TSC2: variants seen among roughly 807,000 people sequenced by gnomAD.
TSC2 encodes the protein tuberin.
A neutral mutation model predicts 202.2 loss-of-function variants in TSC2; 29 were observed. The ratio of observed to expected loss-of-function variants is 0.14; its 90% CI spans 0.11 to 0.20. The LOEUF (loss-of-function observed/expected upper bound fraction) is 0.20, where lower values mean the gene tolerates loss of function less well. TSC2 is among the 10% of genes least tolerant of loss of function. The pLI, the probability that TSC2 is intolerant of heterozygous loss-of-function variation, is 1.00. For missense variants in TSC2, 2,429 were observed against 2,420.0 expected (o/e 1.00, Z -0.08); for synonymous variants, 1,349 against 1,044.0 (o/e 1.29, Z -5.63).
intron 25 of TSC2, chr16:2,077,273 G>A: frequency 2.6e-6 from 1 of 388,596 alleles, no homozygotes; most frequent in Non-Finnish European, 4.9e-6. Flanking sequence ...GGGTGGGATT[G>A]CCTGGCCAGC....
At chr16:2,076,247 C>A in intron 24 of TSC2, 77 bp downstream of exon 24, 1 of 1,597,884 alleles carries the variant, frequency 6.3e-7, no homozygotes, top group Non-Finnish European at 8.5e-7. Context: ...CATGGTCGGG[C>A]AGAGTGACAG....
chr16:2,055,600 A>C, intron 6 of TSC2, 81 bp downstream of exon 6: 1 of 1,372,494 alleles, frequency 7.3e-7, no homozygotes, highest in Non-Finnish European at 1.0e-6. Context: ...CCACCAAAAA[A>C]ATAGAGGTTG....
At chr16:2,058,698 C>G in intron 9 of TSC2, 49 bp from the exon 10 acceptor site, 2 of 1,553,784 alleles carry the variant, frequency 1.3e-6, no homozygotes, top group Non-Finnish European at 1.7e-6. Context: ...ATGGCGGACC[C>G]TGGGACAGGG....
rs1485665373 is a variant in TSC2 at position 2,089,443 on chromosome 16, C to T, written c.*833C>T. 1.2e-5 allele frequency: 6 copies of T among 512,468 alleles called. No individual in the cohort carries two copies. In the Admixed American group the frequency reaches 1.4e-4, roughly 12 times the overall value. 31.7% of individuals were successfully genotyped at this position (512,468 alleles called of 1,614,324 possible). ...AGGGGGTGGGGCCGGGCACAGCCCG[C>T]TGTACCTGAGGACTCGGGGAAATAA... On this transcript the variant is annotated 3_prime_UTR_variant, in exon 42 of 42. Coordinates refer to ENST00000219476, the MANE Select transcript of TSC2 (RefSeq NM_000548.5).
intron 31 of TSC2, 88 bp from the exon 32 acceptor site, chr16:2,082,346 CCT>C: frequency 4.0e-6 from 6 of 1,483,476 alleles, no homozygotes; most frequent in Non-Finnish European, 5.6e-6. Flanking sequence ...TGCCCTCTCT[CCT>C]CTGCAGGCAC....
rs142285430 is a variant in TSC2 at position 2,088,881 on chromosome 16, G to GCGCGCACACACACACA, written c.*272_*273insGCGCACACACACACAC. ...ACAGCACACTCGCGCGTGCGCGCGC[G>GCGCGCACACACACACA]CACACACACACACACACAGTCACCT... On this transcript the variant is annotated 3_prime_UTR_variant, in exon 42 of 42. Transcript: ENST00000219476. 158 of 421,468 alleles carry GCGCGCACACACACACA rather than the reference G, an allele frequency of 3.7e-4. No individual in the cohort carries two copies. The highest frequency in any genetic ancestry group is 3.3e-3 in the African/African-American group (146 of 44,674). The allele number at this position is 421,468 out of a possible 1,614,324, so 26.1% of individuals were successfully genotyped here.
chr16:2,087,360 C>T (rs1278751958), intron 38 of TSC2, among the ~76,000 whole-genome samples: 3 of 152,116 alleles, frequency 2.0e-5, no homozygotes, highest in Non-Finnish European at 4.4e-5. Flanking sequence ...AGGCTGGAGG[C>T]CTCACTCCAA....
rs2151354707 is a variant in TSC2 at position 2,074,346 on chromosome 16, A to G, written c.2502A>G (p.Ser834=). ...PVLVVKLTHI[S]ATASMAVPLL... ...TGGTGGTGAAGCTCACGCACATCTC[A>G]GCCACAGCCAGCATGGCCGTCCCAC... The change falls in exon 22 of 42, where the codon TCA becomes TCG. Residue 834 remains serine (S), a synonymous_variant. Transcript: ENST00000219476. 2 of 1,612,534 alleles carry G rather than the reference A, an allele frequency of 1.2e-6. No individual in the cohort carries two copies. The highest frequency in any genetic ancestry group is 1.7e-6 in the Non-Finnish European group (2 of 1,180,020).
intron 7 of TSC2, 123 bp from the exon 8 acceptor site, chr16:2,056,521 G>T (rs1246570019): frequency 7.0e-7 from 1 of 1,429,732 alleles, no homozygotes; most frequent in Non-Finnish European, 9.4e-7. Context: ...TGGAGAGAGG[G>T]TGCCATGGCA....
At chr16:2,055,343 G>T in intron 5 of TSC2, 59 bp from the exon 6 acceptor site, 1 of 1,316,878 alleles carries the variant, frequency 7.6e-7, no homozygotes. Context: ...GCGGGAGGGG[G>T]AGGTGAGTGG....
intron 10 of TSC2, 83 bp downstream of exon 10, chr16:2,058,956 T>TGCTGCGGGG: frequency 6.4e-7 from 1 of 1,556,792 alleles, no homozygotes; most frequent in East Asian, 2.3e-5. Flanking sequence ...CTGGGGGTCC[T>TGCTGCGGGG]GCTGCGGGGG....
In TSC2 at chr16:2,086,823, C is replaced by T. The variant is rs780279747; in HGVS notation, c.4941C>T (p.Ser1647=). ...GCCACCTGGGCAACGACTTTGTGTC[C>T]ATTGTCTACAATGACTCCGGTGAGG... ...KKRHLGNDFV[S]IVYNDSGEDF... Residue 1647 remains serine (S), a synonymous_variant, in exon 38 of 42, where the codon TCC becomes TCT. Transcript: ENST00000219476. 8.7e-6 allele frequency: 14 copies of T among 1,609,118 alleles called. No homozygotes were observed. The highest frequency in any genetic ancestry group is 1.1e-5 in the Non-Finnish European group (13 of 1,178,576).
intron 16 of TSC2, among the ~76,000 whole-genome samples, chr16:2,067,497 G>GT (rs2087556086): frequency 1.3e-5 from 2 of 151,674 alleles, no homozygotes; most frequent in African/African-American, 4.8e-5. Flanking sequence ...TCAGCCGGGT[G>GT]TGGTGGCTCA....
At chr16:2,076,669 T>G in intron 25 of TSC2, 84 bp downstream of exon 25, 1 of 1,412,264 alleles carries the variant, frequency 7.1e-7, no homozygotes, top group Non-Finnish European at 9.9e-7. Context: ...TGCCTCCAAG[T>G]CAGTGAGTGG....
In TSC2 at chr16:2,077,744, T is replaced by TG. The variant is rs1188094714; in HGVS notation, c.2966+24dup. 9.9e-6 allele frequency: 16 copies of TG among 1,610,770 alleles called. No homozygotes were observed. The highest frequency in any genetic ancestry group is 4.5e-5 in the East Asian group (2 of 44,870). On this transcript the variant is annotated intron_variant, in intron 26 of 41. Transcript: ENST00000219476. ...GTCCGCAGGTAGCGGGACTGTCGGG[T>TG]GGGGGGCACGGACCCTGGAGCTTGG... is the stretch of plus-strand genomic sequence containing the variant.
chr16:2,067,504 CTCA>C (rs2087557190), intron 16 of TSC2, among the ~76,000 whole-genome samples: 2 of 150,870 alleles, frequency 1.3e-5, no homozygotes, highest in African/African-American at 4.8e-5. Flanking sequence ...GGTGTGGTGG[CTCA>C]TGCCCGTAAT....
At chr16:2,083,298 T>C (rs1455481994) in intron 32 of TSC2, 10 of 457,288 alleles carry the variant, frequency 2.2e-5, no homozygotes, top group South Asian at 1.3e-4. Flanking sequence ...AAACAGGGAC[T>C]TCCCCCACGT....
Position 2,088,429 on chromosome 16 carries a change from G to C in TSC2, c.5260-17G>C, listed in dbSNP as rs1476456008. The C allele has an allele frequency of 1.2e-6, 2 of 1,612,682 alleles. No homozygotes were observed. The highest frequency in any genetic ancestry group is 1.7e-6 in the Non-Finnish European group (2 of 1,180,012). On this transcript the variant is annotated splice_polypyrimidine_tract_variant and intron_variant, in intron 41 of 41. Coordinates refer to ENST00000219476, the MANE Select transcript of TSC2 (RefSeq NM_000548.5). ...CACGCCTCCCAGACTTACTGCCCAA[G>C]CCGCCTCTGCCTTCAGATCTGCGAG...
chr16:2,082,034 T>C, intron 31 of TSC2: 1 of 648,650 alleles, frequency 1.5e-6, no homozygotes, highest in Non-Finnish European at 2.7e-6. Context: ...CTGTGGAGCC[T>C]CTGCCCAGCA....
Sources: allele counts gnomAD v4.1 joint callset (sites outside exome capture counted in the v4.1 genomes callset), GRCh38; gene constraint gnomAD v4.1.1; transcripts MANE v1.5; gene names NCBI Gene and HGNC (gene_info 2026-07-23, HGNC 2026-07-21).